The following XXYLT1 variants were observed in gnomAD, a reference collection of about 807,000 sequenced individuals.
XXYLT1 encodes UDP-xylose:alpha-xyloside alpha-1,3-xylosyltransferase.
Under a neutral mutation model 28.9 loss-of-function variants are expected in XXYLT1, and 20 were observed. The observed-to-expected ratio is 0.69, with a 90% CI of 0.49 to 1.00. XXYLT1 has a LOEUF of 1.00. Ranked by LOEUF, XXYLT1 falls within the 50% of genes least tolerant of loss-of-function variation. The pLI, the probability that XXYLT1 is intolerant of heterozygous loss-of-function variation, is 0.00. For synonymous variants in XXYLT1, 257 were observed against 253.8 expected, an observed-to-expected ratio of 1.01 and a Z score of -0.12; for missense variants, 542 against 560.1, an observed-to-expected ratio of 0.97 and a Z score of 0.33.
intron 1 of XXYLT1, chr3:195,259,912 C>G (rs1457727201): frequency 6.5e-6 from 1 of 152,800 alleles, no homozygotes. Context: ...CAGGCAGGAG[C>G]GACGGGCCTC....
Position 195,068,549 on chromosome 3 carries a change from A to G in XXYLT1, c.*1166T>C, listed in dbSNP as rs1385051758. On this transcript the variant is annotated 3_prime_UTR_variant, in exon 4 of 4. Coordinates refer to ENST00000310380, the MANE Select transcript of XXYLT1 (RefSeq NM_152531.5). ...TGAGTGACATGTCTTCCAAGCCCAC[A>G]TGGTCACACTTGGGAATTGCTGGGT... 1 of 150,506 alleles carries G rather than the reference A, an allele frequency of 6.6e-6. No homozygotes were observed. The highest frequency in any genetic ancestry group is 1.5e-5 in the Non-Finnish European group (1 of 67,770). The allele number at this position is 150,506 out of a possible 1,614,324, so 9.3% of individuals were successfully genotyped here. A position where few individuals can be genotyped will look rare whatever the true frequency, so the allele number is the denominator to read the frequency against.
chr3:195,239,803 C>T (rs1208158116), intron 1 of XXYLT1, among the ~76,000 whole-genome samples: 3 of 152,134 alleles, frequency 2.0e-5, no homozygotes, highest in African/African-American at 4.8e-5. Context: ...GATACGGTTC[C>T]CTGTGAATTT....
At chr3:195,265,559 C>T (rs1001332738) in intron 1 of XXYLT1, among the ~76,000 whole-genome samples, 13 of 152,150 alleles carry the variant, frequency 8.5e-5, no homozygotes, top group Admixed American at 8.5e-4. Context: ...GGCTGGTGGG[C>T]CCCACCGCCT....
Position 195,129,131 on chromosome 3 carries a change from C to T in XXYLT1, c.785+27318G>A, listed in dbSNP as rs995804368. 5.3e-5 allele frequency among the ~76,000 whole-genome samples: 8 copies of T among 152,124 alleles called. No homozygotes were observed. The highest frequency in any genetic ancestry group is 1.7e-4 in the African/African-American group (7 of 41,422). ...AAAAAATATTGTGTGGGGGGAAGGT[C>T]GCGGCTAACATAGAGAGGGACAGCA... On this transcript the variant is annotated intron_variant, in intron 3 of 3. Coordinates refer to ENST00000310380, the MANE Select transcript of XXYLT1 (RefSeq NM_152531.5). This position sits in a 1 kb window ranked among gnomAD's most constrained non-coding sequence, Gnocchi z 4.4.
In XXYLT1 at chr3:195,226,780, G is replaced by A. The variant is rs1216798968; in HGVS notation, c.581C>T (p.Ala194Val). The A allele has an allele frequency of 6.2e-7, 1 of 1,613,890 alleles. No homozygotes were observed. The highest frequency in any genetic ancestry group is 1.7e-5 in the Admixed American group (1 of 59,986). The change falls in exon 2 of 4, where the codon GCT (alanine) becomes GTT (valine). Residue 194 changes from alanine to valine, a missense_variant. Ala to Val is a moderately conservative substitution (Grantham distance 64). Coordinates refer to ENST00000310380, the MANE Select transcript of XXYLT1 (RefSeq NM_152531.5). Reference protein sequence around the residue: ...IVEAMQKHFSAGLGTYYSDSI... With the variant: ...IVEAMQKHFSVGLGTYYSDSI... ...GTCACTGTAGTAGGTTCCCAAGCCA[G>A]CACTGAAGTGCTTCTGCATGGCCTC... is the stretch of plus-strand genomic sequence containing the variant.
At chr3:195,199,560 G>C (rs1437411432) in intron 2 of XXYLT1, among the ~76,000 whole-genome samples, 3 of 151,968 alleles carry the variant, frequency 2.0e-5, no homozygotes, top group Admixed American at 2.0e-4. Context: ...GCAGTGAGCT[G>C]AGATCACACC....
At chr3:195,144,429 T>C (rs1352705374) in intron 3 of XXYLT1, among the ~76,000 whole-genome samples, 3 of 152,046 alleles carry the variant, frequency 2.0e-5, no homozygotes, top group Non-Finnish European at 4.4e-5. Flanking sequence ...CAGGCTGGAA[T>C]GCAATGGTGC....
At position 195,271,092 on chromosome 3, in the gene XXYLT1, A is replaced by G; in HGVS notation, c.-34T>C. 7.7e-7 allele frequency: 1 copy of G among 1,306,882 alleles called. No individual in the cohort carries two copies. The highest frequency in any genetic ancestry group is 9.7e-7 in the Non-Finnish European group (1 of 1,031,132). The allele number at this position is 1,306,882 out of a possible 1,614,324, so 81.0% of individuals were successfully genotyped here. A position where few individuals can be genotyped will look rare whatever the true frequency, so the allele number is the denominator to read the frequency against. On this transcript the variant is annotated 5_prime_UTR_variant, in exon 1 of 4. Transcript: ENST00000310380. ...AGACCGCGGCGCCAGCGGTGCCAGC[A>G]ACGCGGGAGAGCCCTCGGGTACCCG...
At chr3:195,192,193 C>T (rs1401324971) in intron 2 of XXYLT1, among the ~76,000 whole-genome samples, 3 of 152,166 alleles carry the variant, frequency 2.0e-5, no homozygotes, top group Non-Finnish European at 4.4e-5. Context: ...GAGGCTGAGG[C>T]AGGTGGATCA....
At chr3:195,138,444 C>T (rs564708420) in intron 3 of XXYLT1, among the ~76,000 whole-genome samples, 20 of 152,236 alleles carry the variant, frequency 1.3e-4, no homozygotes, top group South Asian at 2.1e-4. Flanking sequence ...TCATGGGAAG[C>T]GTCTGTCCTC....
chr3:195,108,180 T>C (rs997320060), intron 3 of XXYLT1, among the ~76,000 whole-genome samples: 1 of 152,246 alleles, frequency 6.6e-6, no homozygotes, highest in African/African-American at 2.4e-5. Flanking sequence ...TGGCCTGCAA[T>C]GTTCATATAT....
chr3:195,165,677 C>T (rs886254612), intron 2 of XXYLT1, among the ~76,000 whole-genome samples: 5 of 152,154 alleles, frequency 3.3e-5, no homozygotes, highest in East Asian at 1.9e-4. Flanking sequence ...GGCTCTTCAG[C>T]TTTCCTGTCT....
intron 3 of XXYLT1, among the ~76,000 whole-genome samples, chr3:195,100,260 C>G (rs538073188): frequency 6.6e-6 from 1 of 152,296 alleles, no homozygotes; most frequent in Admixed American, 6.5e-5. Flanking sequence ...TGGTTTCCTA[C>G]TGGTCTCCGA....
intron 2 of XXYLT1, among the ~76,000 whole-genome samples, chr3:195,178,426 G>A (rs552002753): frequency 9.2e-5 from 14 of 152,258 alleles, no homozygotes; most frequent in African/African-American, 2.4e-4. Context: ...TGGTCTCAAC[G>A]TTCAAATCAA....
In XXYLT1 at chr3:195,132,204, C is replaced by G. The variant is rs116027652; in HGVS notation, c.785+24245G>C. On this transcript the variant is annotated intron_variant, in intron 3 of 3. Transcript: ENST00000310380. ...TTGCCTTTCTGTGCCTCAGCTTCCT[C>G]ACTTCTAAAATGGGGATAGAAATAG... Among the ~76,000 whole-genome samples, 139 of 152,346 alleles carry G rather than the reference C, an allele frequency of 9.1e-4. 1 individual carries two copies. Among genetic ancestry groups the G allele is most frequent in the Non-Finnish European group, 1.6e-3 (109 of 68,020 alleles).
In XXYLT1 at chr3:195,240,519, C is replaced by G. The variant is rs974473028; in HGVS notation, c.505-13663G>C. Among the ~76,000 whole-genome samples the G allele has an allele frequency of 6.6e-6, 1 of 152,272 alleles. No homozygotes were observed. Among genetic ancestry groups the G allele is most frequent in the Admixed American group, 6.5e-5 (1 of 15,290 alleles). On this transcript the variant is annotated intron_variant, in intron 1 of 3. Coordinates refer to ENST00000310380, the MANE Select transcript of XXYLT1 (RefSeq NM_152531.5). The surrounding 1 kb of genome is among the most constrained non-coding windows in gnomAD (Gnocchi z 4.7). ...CTGGGAGTCAGGTCGCAGCCACACT[C>G]CTGAGCCAAGAAGGCACGTGGCAAG... is the stretch of plus-strand genomic sequence containing the variant.
At chr3:195,135,160 T>C (rs561126677) in intron 3 of XXYLT1, among the ~76,000 whole-genome samples, 4 of 152,258 alleles carry the variant, frequency 2.6e-5, no homozygotes, top group African/African-American at 7.2e-5. Context: ...TGGGAGGTGA[T>C]CCGCTTGAGA....
chr3:195,169,080 G>A (rs1240163337), intron 2 of XXYLT1, among the ~76,000 whole-genome samples: 1 of 152,212 alleles, frequency 6.6e-6, no homozygotes, highest in African/African-American at 2.4e-5. Flanking sequence ...GGGGTCTTTT[G>A]GGCGAATGCA....
chr3:195,112,253 TG>T (rs1717759653), intron 3 of XXYLT1, among the ~76,000 whole-genome samples: 1 of 152,178 alleles, frequency 6.6e-6, no homozygotes, highest in Non-Finnish European at 1.5e-5. Flanking sequence ...TGGGCTGCCA[TG>T]GCTGAACACT....
Sources: allele counts gnomAD v4.1 joint callset (sites outside exome capture counted in the v4.1 genomes callset), GRCh38; gene constraint gnomAD v4.1.1; non-coding constraint Gnocchi (gnomAD v3.1); transcripts MANE v1.5; gene names NCBI Gene and HGNC (gene_info 2026-07-23, HGNC 2026-07-21).